CBLB: variants seen among roughly 807,000 people sequenced by gnomAD.
CBLB encodes E3 ubiquitin-protein ligase CBL-B.
In CBLB, 31 loss-of-function variants were observed where a neutral mutation model predicts 104.9. That is an observed-to-expected ratio of 0.30 (90% CI 0.22 to 0.40). The LOEUF is 0.40. Ranked by LOEUF, CBLB falls within the 10% of genes least tolerant of loss-of-function variation. The probability of loss-of-function intolerance (pLI) is 1.00; values close to 1 mark genes in which losing one functional copy is unlikely to be tolerated. For synonymous variants in CBLB, 440 were observed against 422.6 expected, an observed-to-expected ratio of 1.04 and a Z score of -0.51; for missense variants, 1,062 against 1,214.6, an observed-to-expected ratio of 0.87 and a Z score of 1.87.
rs538070196 is a variant in CBLB, at chr3:105,702,749, A to G, written c.1594-290T>C. The stretch of plus-strand genomic sequence containing the variant: ...ATACAGAAACAAGTAGAAGATCAAA[A>G]TCATACAATGACTTTGACATTAAAA... On this transcript the variant is annotated intron_variant, in intron 11 of 18. Coordinates refer to ENST00000394030, the MANE Select transcript of CBLB (RefSeq NM_170662.5). 1.4e-4 allele frequency among the ~76,000 whole-genome samples: 22 copies of G among 152,306 alleles called. No individual in the cohort carries two copies. In the South Asian group the frequency reaches 1.7e-3, roughly 11 times the overall value.
intron 17 of CBLB, chr3:105,671,224 C>T (rs2065028769): frequency 5.0e-6 from 1 of 201,740 alleles, no homozygotes; most frequent in South Asian, 1.9e-4. Flanking sequence ...ACAAACATTA[C>T]ATCTGAAAAC....
chr3:105,823,527 G>A (rs1411584769), intron 3 of CBLB, among the ~76,000 whole-genome samples: 1 of 152,130 alleles, frequency 6.6e-6, no homozygotes, highest in Non-Finnish European at 1.5e-5. Context: ...AAACACATAG[G>A]AGATTCATAT....
At chr3:105,723,587 ATAAT>A (rs2073185829) in intron 9 of CBLB, among the ~76,000 whole-genome samples, 1 of 147,798 alleles carries the variant, frequency 6.8e-6, no homozygotes. Context: ...GTAAACTCAG[ATAAT>A]TAACATTGAC....
intron 3 of CBLB, among the ~76,000 whole-genome samples, chr3:105,833,078 A>C (rs1336720507): frequency 6.6e-6 from 1 of 152,204 alleles, no homozygotes; most frequent in African/African-American, 2.4e-5. Context: ...TGAGTGGATA[A>C]AGAAGGAAGA....
At chr3:105,705,467 T>G (rs2069949250) in intron 10 of CBLB, among the ~76,000 whole-genome samples, 1 of 152,234 alleles carries the variant, frequency 6.6e-6, no homozygotes, top group African/African-American at 2.4e-5. Flanking sequence ...TGACAGTTTC[T>G]CAGACATCCA....
At chr3:105,768,386 A>C (rs1412500901) in intron 4 of CBLB, among the ~76,000 whole-genome samples, 1 of 152,214 alleles carries the variant, frequency 6.6e-6, no homozygotes, top group Non-Finnish European at 1.5e-5. Flanking sequence ...GTCCAGAAAG[A>C]GCCAAATAAG....
At chr3:105,848,313 G>A (rs2090541043) in intron 3 of CBLB, among the ~76,000 whole-genome samples, 1 of 151,990 alleles carries the variant, frequency 6.6e-6, no homozygotes, top group Non-Finnish European at 1.5e-5. Context: ...CTACTCTCAA[G>A]GCAAAAGACT....
At chr3:105,722,583 T>C (rs1019011738) in intron 9 of CBLB, among the ~76,000 whole-genome samples, 2 of 49,496 alleles carry the variant, frequency 4.0e-5, no homozygotes, top group Admixed American at 4.1e-4. Flanking sequence ...TAACTAAAAA[T>C]TATTCCACCC....
At chr3:105,717,124 C>T (rs571779013) in intron 10 of CBLB, among the ~76,000 whole-genome samples, 37 of 152,200 alleles carry the variant, frequency 2.4e-4, no homozygotes, top group African/African-American at 7.2e-4. Flanking sequence ...TGCAACTTTT[C>T]CCAAATTCAC....
chr3:105,703,999 C>T lies in CBLB; in HGVS notation c.1582G>A (p.Gly528Ser). ...TAAAATTGATCTACCTTTGGTGAACCCGTTGGGCTGCCACAGGGAGATCTA... is the reference window on the plus strand; with the variant it reads ...TAAAATTGATCTACCTTTGGTGAACTCGTTGGGCTGCCACAGGGAGATCTA... ...IVRSPCGSPT[G>S]SPKSSPCMVR... The change falls in exon 11 of 19, where the codon GGT becomes AGT. Residue 528 changes from glycine (G) to serine (S), a missense_variant. Gly to Ser is a moderately conservative substitution (Grantham distance 56). Around this residue, in one of 2 missense-constraint regions of CBLB, gnomAD observed 605 missense variants for 582.6 expected, o/e 1.04. Coordinates refer to ENST00000394030, the MANE Select transcript of CBLB (RefSeq NM_170662.5). 6.2e-7 allele frequency: 1 copy of T among 1,613,972 alleles called. No homozygotes were observed. Among genetic ancestry groups the T allele is most frequent in the Non-Finnish European group, 8.5e-7 (1 of 1,179,930 alleles).
At chr3:105,753,893 A>G (rs1043301698) in intron 4 of CBLB, among the ~76,000 whole-genome samples, 30 of 152,314 alleles carry the variant, frequency 2.0e-4, no homozygotes, top group South Asian at 1.2e-3. Context: ...CCCCTTCATA[A>G]TAACAATTTA....
chr3:105,750,068 G>C (rs1487334878), intron 5 of CBLB, among the ~76,000 whole-genome samples: 2 of 151,380 alleles, frequency 1.3e-5, no homozygotes, highest in South Asian at 2.1e-4. Flanking sequence ...GCCCAGGCTG[G>C]AGTGCAGTGA....
intron 3 of CBLB, among the ~76,000 whole-genome samples, chr3:105,782,578 C>CTTTTTT (rs11333516): frequency 7.3e-5 from 10 of 137,508 alleles, no homozygotes; most frequent in African/African-American, 2.7e-4. Context: ...CTTTTCTTTT[C>CTTTTTT]TTTTTTTTTT....
intron 6 of CBLB, among the ~76,000 whole-genome samples, chr3:105,741,547 C>A (rs1395528977): frequency 6.6e-6 from 1 of 152,168 alleles, no homozygotes; most frequent in Admixed American, 6.5e-5. Context: ...AGGTGCCCGC[C>A]ACCACACCCA....
intron 10 of CBLB, among the ~76,000 whole-genome samples, chr3:105,708,357 A>T (rs1000484245): frequency 6.6e-6 from 1 of 152,060 alleles, no homozygotes; most frequent in African/African-American, 2.4e-5. Context: ...TACTACTTCC[A>T]TTGTGTATAA....
rs183391904 is a variant in CBLB, at chr3:105,656,409, T to A, written c.*2561A>T. On this transcript the variant is annotated 3_prime_UTR_variant, in exon 19 of 19. Transcript: ENST00000394030. ...CAGTCGCTTTTACAATAAAAAAAAATTTTTTTAGGTTTAATTTCATAGGTG... is the reference window on the plus strand; with the variant it reads ...CAGTCGCTTTTACAATAAAAAAAAAATTTTTTAGGTTTAATTTCATAGGTG... 2,540 of 195,550 alleles carry A rather than the reference T, an allele frequency of 0.013. 20 individuals are homozygous for A. Among genetic ancestry groups the A allele is most frequent in the Non-Finnish European group, 0.018 (1,743 of 94,348 alleles). The allele number at this position is 195,550 out of a possible 1,614,324, so 12.1% of individuals were successfully genotyped here.
intron 3 of CBLB, among the ~76,000 whole-genome samples, chr3:105,805,079 G>A (rs139947662): frequency 6.6e-6 from 1 of 152,076 alleles, no homozygotes; most frequent in Admixed American, 6.5e-5. Flanking sequence ...TGGTTCCACT[G>A]CTTCCAATCT....
intron 10 of CBLB, among the ~76,000 whole-genome samples, chr3:105,706,326 T>C (rs1316812209): frequency 6.6e-6 from 1 of 152,214 alleles, no homozygotes; most frequent in Non-Finnish European, 1.5e-5. Context: ...ATTTCTTTTT[T>C]AAAAATTAAT....
At chr3:105,746,322 C>A (rs1441882290) in intron 5 of CBLB, among the ~76,000 whole-genome samples, 1 of 152,180 alleles carries the variant, frequency 6.6e-6, no homozygotes, top group Non-Finnish European at 1.5e-5. Flanking sequence ...ATTCTCGCTA[C>A]GGCACTTGTG....
Sources: allele counts gnomAD v4.1 joint callset (sites outside exome capture counted in the v4.1 genomes callset), GRCh38; gene constraint gnomAD v4.1.1; regional missense constraint gnomAD v4.1.1; transcripts MANE v1.5; gene names NCBI Gene and HGNC (gene_info 2026-07-23, HGNC 2026-07-21).